The following PTPRC variants were observed in gnomAD, a reference collection of about 807,000 sequenced individuals.
The protein encoded by PTPRC is protein tyrosine phosphatase receptor type C.
A neutral mutation model predicts 155.9 loss-of-function variants in PTPRC; 44 were observed. That is an observed-to-expected ratio of 0.28 (90% CI 0.22 to 0.36). The LOEUF (loss-of-function observed/expected upper bound fraction) is 0.36. Ranked by LOEUF, PTPRC falls within the 10% of genes least tolerant of loss-of-function variation. The pLI, the probability that PTPRC is intolerant of heterozygous loss-of-function variation, is 1.00. For missense variants in PTPRC, 1,401 were observed against 1,564.6 expected (o/e 0.90, Z 1.76); for synonymous variants, 525 against 533.1 (o/e 0.98, Z 0.21).
chr1:198,687,138 G>A lies in PTPRC; in HGVS notation c.74-5209G>A, dbSNP rs560255892. On this transcript the variant is annotated intron_variant, in intron 2 of 32. Transcript: ENST00000442510. Reference sequence around the variant, plus strand: ...CTCCCAAGTAGCTGGGACTATAGGTGTGCACCACCCTACCCGGATAATTTT... The same window carrying A: ...CTCCCAAGTAGCTGGGACTATAGGTATGCACCACCCTACCCGGATAATTTT... 3.3e-5 allele frequency among the ~76,000 whole-genome samples: 5 copies of A among 152,202 alleles called. No homozygotes were observed. The East Asian group carries it at 9.7e-4, about 29-fold the overall frequency.
At chr1:198,755,580 T>C (rs1343650139) in intron 32 of PTPRC, among the ~76,000 whole-genome samples, 1 of 152,054 alleles carries the variant, frequency 6.6e-6, no homozygotes, top group Non-Finnish European at 1.5e-5. Flanking sequence ...CCTGCCCTGA[T>C]TCTTAAATAA....
rs542785535 is a variant in PTPRC at position 198,755,875 on chromosome 1, C to T, written c.3646-31C>T. The stretch of plus-strand genomic sequence containing the variant: ...TAAAAATAATGACATCAACTTTCTT[C>T]ATGTAATTTCCCACTTAATTCCTTT... On this transcript the variant is annotated intron_variant, in intron 32 of 32. Coordinates refer to ENST00000442510, the MANE Select transcript of PTPRC (RefSeq NM_002838.5). The T allele has an allele frequency of 9.5e-6, 15 of 1,576,926 alleles. No individual in the cohort carries two copies. In the South Asian group the frequency reaches 1.7e-4, roughly 18 times the overall value.
chr1:198,678,968 A>AT (rs2102321087), intron 2 of PTPRC, among the ~76,000 whole-genome samples: 1 of 152,338 alleles, frequency 6.6e-6, no homozygotes, highest in Non-Finnish European at 1.5e-5. Context: ...AGTGACTAGA[A>AT]TTATAAAGGC....
rs1654317133 is a variant in PTPRC, at chr1:198,730,029, T to G, written c.1864+858T>G. On this transcript the variant is annotated intron_variant, in intron 17 of 32. Transcript: ENST00000442510. ...ATTGGACAAAGAACAGCAATTTGAC[T>G]TGGGAGAAGAAAACACATTTGTTTA... 3.3e-5 allele frequency among the ~76,000 whole-genome samples: 5 copies of G among 152,126 alleles called. 1 individual carries two copies. In the South Asian group the frequency reaches 1.0e-3, roughly 31 times the overall value.
At chr1:198,685,882 C>T (rs1665594302) in intron 2 of PTPRC, among the ~76,000 whole-genome samples, 2 of 151,882 alleles carry the variant, frequency 1.3e-5, no homozygotes, top group Admixed American at 6.6e-5. Context: ...CCCTTCTGCC[C>T]TTGTACTTTT....
rs574007013 is a variant in PTPRC, at chr1:198,671,674, A to C, written c.74-20673A>C. Among the ~76,000 whole-genome samples the C allele has an allele frequency of 1.3e-5, 2 of 152,324 alleles. 1 individual carries two copies. The highest frequency in any genetic ancestry group is 4.1e-4 in the South Asian group (2 of 4,832). ...AACTAGTATCCCACTGGTATCTCAA[A>C]TTCAACATTATTGAACTCAAAAACT... On this transcript the variant is annotated intron_variant, in intron 2 of 32. Coordinates refer to ENST00000442510, the MANE Select transcript of PTPRC (RefSeq NM_002838.5).
At chr1:198,677,536 C>A (rs1665026080) in intron 2 of PTPRC, among the ~76,000 whole-genome samples, 1 of 151,878 alleles carries the variant, frequency 6.6e-6, no homozygotes, top group Admixed American at 6.6e-5. Context: ...TTAACTTAGA[C>A]ATTACTTATT....
chr1:198,756,388 T>C lies in PTPRC; in HGVS notation c.*207T>C, dbSNP rs1467222819. 1.5e-5 allele frequency: 10 copies of C among 661,224 alleles called. No homozygotes were observed. The East Asian group carries it at 2.9e-4, about 19-fold the overall frequency. The allele number at this position is 661,224 out of a possible 1,614,324, so 41.0% of individuals were successfully genotyped here. The stretch of plus-strand genomic sequence containing the variant: ...TACAGACGTATGCTTATTTTAAAAT[T>C]TTATCTCTTATTCAGTAAAAAACAA... On this transcript the variant is annotated 3_prime_UTR_variant, in exon 33 of 33. Coordinates refer to ENST00000442510, the MANE Select transcript of PTPRC (RefSeq NM_002838.5).
At chr1:198,660,689 A>C (rs1490256312) in intron 2 of PTPRC, 2 of 152,180 alleles carry the variant, frequency 1.3e-5, no homozygotes, top group South Asian at 4.1e-4. Flanking sequence ...GCCAACATGG[A>C]CTCTAGTTTC....
intron 2 of PTPRC, among the ~76,000 whole-genome samples, 193 bp downstream of exon 2, chr1:198,639,534 T>A (rs1007446801): frequency 6.6e-6 from 1 of 152,042 alleles, no homozygotes; most frequent in Non-Finnish European, 1.5e-5. Context: ...TACAAAGACA[T>A]AAATGTTTCG....
chr1:198,746,233 C>T (rs1324768675), intron 26 of PTPRC, among the ~76,000 whole-genome samples: 1 of 151,714 alleles, frequency 6.6e-6, no homozygotes, highest in Non-Finnish European at 1.5e-5. Context: ...CCCAGTGAAG[C>T]CGGTGGATAG....
intron 3 of PTPRC, among the ~76,000 whole-genome samples, chr1:198,696,416 A>G (rs1468129618): frequency 5.3e-5 from 8 of 151,334 alleles, no homozygotes; most frequent in Non-Finnish European, 8.8e-5. Context: ...TCATTTCCCC[A>G]TTTTTATCTT....
rs946442343 is a variant in PTPRC, at chr1:198,752,754, C to G, written c.3491C>G (p.Pro1164Arg). The G allele has an allele frequency of 3.7e-6, 6 of 1,612,688 alleles. No individual in the cohort carries two copies. The highest frequency in any genetic ancestry group is 5.1e-6 in the Non-Finnish European group (6 of 1,179,242). The change falls in exon 31 of 33, where the codon CCT becomes CGT. Residue 1164 changes from proline to arginine, a missense_variant. Physicochemically the swap from Pro to Arg is moderately radical, Grantham distance 103 (BLOSUM62 -2). Transcript: ENST00000442510. ...SEGNKHHKST[P>R]LLIHCRDGSQ... ...GGGAACAAGCATCACAAGAGTACAC[C>G]TCTACTCATTCACTGCAGGTGCGTG...
intron 12 of PTPRC, among the ~76,000 whole-genome samples, chr1:198,715,100 C>T (rs992647829): frequency 1.3e-5 from 2 of 151,960 alleles, no homozygotes; most frequent in African/African-American, 4.8e-5. Context: ...GTAGCTTGAT[C>T]TGTTTCCTTT....
intron 3 of PTPRC, chr1:198,695,073 C>T (rs1258390891): frequency 4.4e-6 from 4 of 918,668 alleles, no homozygotes; most frequent in Non-Finnish European, 5.2e-6. Context: ...TGCAATATTT[C>T]ATGTATATTG....
chr1:198,722,666 T>G (rs1054197613), intron 15 of PTPRC, among the ~76,000 whole-genome samples, 190 bp downstream of exon 15: 7 of 151,774 alleles, frequency 4.6e-5, no homozygotes, highest in Non-Finnish European at 1.0e-4. Flanking sequence ...ATACAATATC[T>G]TAAATTCAAG....
chr1:198,673,248 A>T (rs1664747811), intron 2 of PTPRC, among the ~76,000 whole-genome samples: 1 of 152,178 alleles, frequency 6.6e-6, no homozygotes, highest in Non-Finnish European at 1.5e-5. Context: ...AGAAAGTAGG[A>T]AACTATTGCA....
chr1:198,666,056 C>A (rs1664285856), intron 2 of PTPRC, among the ~76,000 whole-genome samples: 1 of 151,876 alleles, frequency 6.6e-6, no homozygotes, highest in Non-Finnish European at 1.5e-5. Flanking sequence ...GCCTGGGCAA[C>A]ATGGCAAATC....
intron 8 of PTPRC, 91 bp downstream of exon 8, chr1:198,704,589 G>A (rs939778521): frequency 6.8e-6 from 11 of 1,609,196 alleles, no homozygotes; most frequent in Middle Eastern, 3.3e-4. Context: ...GGACCCACTA[G>A]TAAGCTAAAC....
Sources: allele counts gnomAD v4.1 joint callset (sites outside exome capture counted in the v4.1 genomes callset), GRCh38; gene constraint gnomAD v4.1.1; transcripts MANE v1.5; gene names NCBI Gene and HGNC (gene_info 2026-07-23, HGNC 2026-07-21).